Variants in ABCC4 observed in about 807,000 individuals in gnomAD.
ABCC4 encodes the protein ATP-binding cassette sub-family C member 4.
Under a neutral mutation model 168.5 loss-of-function variants are expected in ABCC4, and 102 were observed. That is an observed-to-expected ratio of 0.61 (90% CI 0.52 to 0.71). The LOEUF (loss-of-function observed/expected upper bound fraction) is 0.71, where lower values mean the gene tolerates loss of function less well. Among genes scored for constraint, ABCC4 ranks in the 30% least tolerant of loss-of-function variants. ABCC4 has a pLI of 0.00. For missense variants in ABCC4, 1,402 were observed against 1,605.8 expected (o/e 0.87, Z 2.17); for synonymous variants, 617 against 590.7 (o/e 1.04, Z -0.65).
At chr13:95,032,935 G>C (rs1169607378) in intron 30 of ABCC4, among the ~76,000 whole-genome samples, 1 of 149,448 alleles carries the variant, frequency 6.7e-6, no homozygotes, top group Non-Finnish European at 1.5e-5. Context: ...CAAAGTGCTG[G>C]GGTTACAGGT....
At chr13:95,225,980 A>AG (rs1224507130) in intron 4 of ABCC4, among the ~76,000 whole-genome samples, 2 of 148,976 alleles carry the variant, frequency 1.3e-5, no homozygotes, top group Admixed American at 6.7e-5. Context: ...AAAAAAAAAA[A>AG]AAAAGAAAAA....
intron 7 of ABCC4, 131 bp from the exon 8 acceptor site, chr13:95,206,912 G>C (rs959259497): frequency 9.0e-6 from 9 of 1,002,662 alleles, no homozygotes; most frequent in Non-Finnish European, 1.3e-5. Flanking sequence ...GACCATCCTG[G>C]GCAACAACAA....
intron 19 of ABCC4, among the ~76,000 whole-genome samples, chr13:95,124,774 G>A (rs151127219): frequency 0.013 from 1,843 of 144,932 alleles, 36 homozygotes; most frequent in African/African-American, 0.044. Context: ...CCGGCTACTC[G>A]TGAGGCTGAG....
intron 20 of ABCC4, among the ~76,000 whole-genome samples, chr13:95,115,399 T>C (rs1467193947): frequency 6.6e-6 from 1 of 152,070 alleles, no homozygotes. Context: ...TTAAAGGCTT[T>C]GTATCCGCAA....
At chr13:95,257,459 G>A (rs1281715818) in intron 1 of ABCC4, among the ~76,000 whole-genome samples, 1 of 152,132 alleles carries the variant, frequency 6.6e-6, no homozygotes, top group Non-Finnish European at 1.5e-5. Context: ...CTTGGGGTCA[G>A]GAGTTCAAGA....
chr13:95,165,816 G>T (rs2037252107), intron 15 of ABCC4, among the ~76,000 whole-genome samples: 1 of 152,150 alleles, frequency 6.6e-6, no homozygotes, highest in African/African-American at 2.4e-5. Flanking sequence ...GCCTCCAGAT[G>T]CAAAGAGAAG....
At chr13:95,042,757 T>A (rs1481508128) in intron 29 of ABCC4, among the ~76,000 whole-genome samples, 1 of 152,232 alleles carries the variant, frequency 6.6e-6, no homozygotes, top group Admixed American at 6.5e-5. Context: ...AACTGACTTG[T>A]CTGCCAAGTT....
intron 19 of ABCC4, among the ~76,000 whole-genome samples, chr13:95,126,746 TATATATA>T (rs2035784536): frequency 3.0e-5 from 2 of 65,776 alleles, no homozygotes; most frequent in Non-Finnish European, 6.3e-5. Context: ...TATATATATA[TATATATA>T]TTCCAAAATA....
At chr13:95,038,491 TGA>T (rs2032219762) in intron 29 of ABCC4, among the ~76,000 whole-genome samples, 2 of 151,438 alleles carry the variant, frequency 1.3e-5, no homozygotes, top group African/African-American at 4.9e-5. Flanking sequence ...CCAAAATTTC[TGA>T]GGAGGAGCTT....
intron 19 of ABCC4, among the ~76,000 whole-genome samples, chr13:95,145,534 G>C (rs1324624713): frequency 6.7e-6 from 1 of 148,512 alleles, no homozygotes; most frequent in East Asian, 2.0e-4. Context: ...TAAAATGGGA[G>C]AATCACTTGA....
At chr13:95,078,969 G>A (rs572881163) in intron 21 of ABCC4, among the ~76,000 whole-genome samples, 1 of 152,262 alleles carries the variant, frequency 6.6e-6, no homozygotes, top group South Asian at 2.1e-4. Context: ...TGAGAAATTA[G>A]GTACCATCCC....
rs185471442 is a variant in ABCC4, at chr13:95,066,019, A to C, written c.3211-3160T>G. ...AAACCTCCTCTACAAAACAGTCCCA[A>C]CTAACCTTTCCATCCTTAGCTCCAT... On this transcript the variant is annotated intron_variant, in intron 25 of 30. Transcript: ENST00000645237. Among the ~76,000 whole-genome samples, 90 of 152,308 alleles carry C rather than the reference A, an allele frequency of 5.9e-4. 1 individual carries two copies. In the East Asian group the frequency reaches 9.4e-3, roughly 16 times the overall value.
chr13:95,027,399 G>A (rs2031602770), intron 30 of ABCC4, among the ~76,000 whole-genome samples: 1 of 152,086 alleles, frequency 6.6e-6, no homozygotes, highest in African/African-American at 2.4e-5. Flanking sequence ...AAAGATACAT[G>A]TTATTTTTCT....
chr13:95,171,843 G>C (rs1422093064), intron 13 of ABCC4, among the ~76,000 whole-genome samples: 1 of 151,956 alleles, frequency 6.6e-6, no homozygotes, highest in Non-Finnish European at 1.5e-5. Context: ...ATCTTAGTTT[G>C]GCTTATTTCA....
intron 4 of ABCC4, among the ~76,000 whole-genome samples, chr13:95,211,794 G>A (rs1013877333): frequency 2.6e-5 from 4 of 152,104 alleles, no homozygotes; most frequent in Non-Finnish European, 5.9e-5. Context: ...GTTGCCGCTG[G>A]AATAACAGTC....
At chr13:95,041,481 T>A (rs1035251497) in intron 29 of ABCC4, among the ~76,000 whole-genome samples, 1 of 152,228 alleles carries the variant, frequency 6.6e-6, no homozygotes, top group Admixed American at 6.5e-5. Context: ...GCACTTGCAA[T>A]TACAGGACTG....
intron 30 of ABCC4, among the ~76,000 whole-genome samples, chr13:95,023,235 A>G (rs180779714): frequency 6.6e-6 from 1 of 152,326 alleles, no homozygotes; most frequent in East Asian, 1.9e-4. Context: ...ATATATAAAG[A>G]AAGTGTTGTT....
intron 26 of ABCC4, among the ~76,000 whole-genome samples, chr13:95,058,567 CAAAAAAAAAAAAA>C (rs1165324016): frequency 3.2e-5 from 2 of 62,792 alleles, no homozygotes; most frequent in Non-Finnish European, 5.9e-5. Context: ...GACTCCATCT[CAAAAAAAAAAAAA>C]AAAAAAAAAA....
At chr13:95,188,605 G>T in intron 9 of ABCC4, 63 bp from the exon 10 acceptor site, 1 of 1,367,240 alleles carries the variant, frequency 7.3e-7, no homozygotes, top group Non-Finnish European at 1.0e-6. Context: ...ACTTCAAAAA[G>T]AGAAGAAAAC....
Sources: allele counts gnomAD v4.1 joint callset (sites outside exome capture counted in the v4.1 genomes callset), GRCh38; gene constraint gnomAD v4.1.1; transcripts MANE v1.5; gene names NCBI Gene and HGNC (gene_info 2026-07-23, HGNC 2026-07-21).